The following CRMP1 variants were observed in gnomAD, a reference collection of about 807,000 sequenced individuals.
The protein encoded by CRMP1 is collapsin response mediator protein 1.
Under a neutral mutation model 68.3 loss-of-function variants are expected in CRMP1, and 19 were observed. The observed-to-expected ratio is 0.28, with a 90% CI of 0.19 to 0.41. The LOEUF is 0.41. CRMP1 is among the 10% of genes least tolerant of loss of function. The pLI, the probability that CRMP1 is intolerant of heterozygous loss-of-function variation, is 1.00. For missense variants in CRMP1, 791 were observed against 967.4 expected, an observed-to-expected ratio of 0.82 and a Z score of 2.42; for synonymous variants, 439 against 399.6, an observed-to-expected ratio of 1.10 and a Z score of -1.18.
Position 5,860,915 on chromosome 4 carries a change from C to T in CRMP1, c.655+111G>A. The T allele has an allele frequency of 1.8e-6, 2 of 1,128,186 alleles. No individual in the cohort carries two copies. 69.9% of individuals were successfully genotyped at this position (1,128,186 alleles called of 1,614,324 possible). On this transcript the variant is annotated intron_variant, in intron 3 of 13. Transcript: ENST00000324989. This position sits in a 1 kb window ranked among gnomAD's most constrained non-coding sequence, Gnocchi z 4.2. Reference sequence around the variant, plus strand: ...CATAGGGCTGGGGGGAGAATGAAATCCAATGGCACCCTGGGCAGAGAGCCT... The same window carrying T: ...CATAGGGCTGGGGGGAGAATGAAATTCAATGGCACCCTGGGCAGAGAGCCT...
rs546322634 is a variant in CRMP1 at position 5,892,287 on chromosome 4, G to A, written c.381+302C>T. Among the ~76,000 whole-genome samples, 1 of 152,334 alleles carries A rather than the reference G, an allele frequency of 6.6e-6. No individual in the cohort carries two copies. Among genetic ancestry groups the A allele is most frequent in the East Asian group, 1.9e-4 (1 of 5,168 alleles). On this transcript the variant is annotated intron_variant, in intron 1 of 13. Coordinates refer to ENST00000324989, the MANE Select transcript of CRMP1 (RefSeq NM_001014809.3). The surrounding 1 kb of genome is among the most constrained non-coding windows in gnomAD (Gnocchi z 8.6). Reference sequence around the variant, plus strand: ...TTCCTTCGCGTTTAAGCGTCCATGCGGTAGCTTTAGCCAACTTCCCCTCTC... The same window carrying A: ...TTCCTTCGCGTTTAAGCGTCCATGCAGTAGCTTTAGCCAACTTCCCCTCTC...
rs141887967 is a variant in CRMP1, at chr4:5,827,733, G to GCACACACACACACACACA, written c.1803+738_1803+755dup. 4.5e-3 allele frequency among the ~76,000 whole-genome samples: 628 copies of GCACACACACACACACACA among 138,320 alleles called. 1 individual carries two copies. Among genetic ancestry groups the GCACACACACACACACACA allele is most frequent in the African/African-American group, 0.017 (592 of 34,950 alleles). 90.7% of individuals were successfully genotyped at this position (138,320 alleles called of 152,430 possible). Reference sequence around the variant, plus strand: ...CATAGACATACACACATGTGCGCGTGCACACACACACACACACACACGAAG... The same window carrying GCACACACACACACACACA: ...CATAGACATACACACATGTGCGCGTGCACACACACACACACACACACACACACACACACACACACGAAG... On this transcript the variant is annotated intron_variant, in intron 12 of 13. Coordinates refer to ENST00000324989, the MANE Select transcript of CRMP1 (RefSeq NM_001014809.3).
rs1245453658 is a variant in CRMP1, at chr4:5,825,603, T to C, written c.1860A>G (p.Val620=). Reference sequence around the variant, plus strand: ...GAGTTGCATATTTGGGTGTAGCTGGTACCTCGTACACAGGACCGTCATACA... The same window carrying C: ...GAGTTGCATATTTGGGTGTAGCTGGCACCTCGTACACAGGACCGTCATACA... The part of the protein sequence containing the change: ...RGMYDGPVYE[V]PATPKYATPA... Residue 620 remains valine, a synonymous_variant, in exon 13 of 14, where the codon GTA becomes GTG. Coordinates refer to ENST00000324989, the MANE Select transcript of CRMP1 (RefSeq NM_001014809.3). This position sits in a 1 kb window ranked among gnomAD's most constrained non-coding sequence, Gnocchi z 4.4. 1 of 1,603,198 alleles carries C rather than the reference T, an allele frequency of 6.2e-7. No individual in the cohort carries two copies. Among genetic ancestry groups the C allele is most frequent in the African/African-American group, 1.3e-5 (1 of 74,320 alleles).
intron 1 of CRMP1, among the ~76,000 whole-genome samples, chr4:5,873,788 C>T (rs549275249): frequency 7.2e-5 from 11 of 152,240 alleles, no homozygotes; most frequent in African/African-American, 2.6e-4. Context: ...GCCTGGGGAT[C>T]TGTAAGTGGT....
rs1711730663 is a variant in CRMP1, at chr4:5,841,576, G to A, written c.1033-148C>T. 8.0e-7 allele frequency: 1 copy of A among 1,255,364 alleles called. No individual in the cohort carries two copies. The highest frequency in any genetic ancestry group is 2.2e-5 in the Admixed American group (1 of 46,188). 77.8% of individuals were successfully genotyped at this position (1,255,364 alleles called of 1,614,324 possible). A position where few individuals can be genotyped will look rare whatever the true frequency, so the allele number is the denominator to read the frequency against. On this transcript the variant is annotated intron_variant, in intron 7 of 13. Transcript: ENST00000324989. This position sits in a 1 kb window ranked among gnomAD's most constrained non-coding sequence, Gnocchi z 6.9. ...ACTGAGTCCAACAGCGCTTGACAGT[G>A]CCCCCTGCTCTCCGGGGTGGAGCAT... is the stretch of plus-strand genomic sequence containing the variant.
chr4:5,847,540 C>T (rs1712313305), intron 6 of CRMP1, among the ~76,000 whole-genome samples: 2 of 152,152 alleles, frequency 1.3e-5, no homozygotes, highest in South Asian at 4.1e-4. Flanking sequence ...GAACAGAATA[C>T]TCTTGCATGA....
chr4:5,838,814 T>C lies in CRMP1; in HGVS notation c.1310+708A>G, dbSNP rs1274095266. Among the ~76,000 whole-genome samples, 1 of 151,980 alleles carries C rather than the reference T, an allele frequency of 6.6e-6. No homozygotes were observed. The highest frequency in any genetic ancestry group is 1.5e-5 in the Non-Finnish European group (1 of 67,992). ...AGAAGCCCCATCTTATCCTCCCCTA[T>C]TGGGCAAACTCCTACTCATCCCCAA... On this transcript the variant is annotated intron_variant, in intron 9 of 13. Coordinates refer to ENST00000324989, the MANE Select transcript of CRMP1 (RefSeq NM_001014809.3). This position sits in a 1 kb window ranked among gnomAD's most constrained non-coding sequence, Gnocchi z 4.9.
In CRMP1 at chr4:5,843,686, G is replaced by A. The variant is rs965504833; in HGVS notation, c.964-525C>T. 1.3e-4 allele frequency among the ~76,000 whole-genome samples: 20 copies of A among 152,258 alleles called. No individual in the cohort carries two copies. Among genetic ancestry groups the A allele is most frequent in the African/African-American group, 4.8e-4 (20 of 41,560 alleles). On this transcript the variant is annotated intron_variant, in intron 6 of 13. Coordinates refer to ENST00000324989, the MANE Select transcript of CRMP1 (RefSeq NM_001014809.3). This position sits in a 1 kb window ranked among gnomAD's most constrained non-coding sequence, Gnocchi z 4.1. ...TCCTCTTCTGTACACTGGGGATAAC[G>A]GTGCTTGTACTGCAGAGTTACTACG...
rs1055248587 is a variant in CRMP1 at position 5,866,475 on chromosome 4, G to A, written c.470+193C>T. 1.3e-5 allele frequency among the ~76,000 whole-genome samples: 2 copies of A among 152,324 alleles called. No individual in the cohort carries two copies. ...CGTGTGGCAGGGAGCCTAGCCCGGG[G>A]GGGCACCCAAGAAATGCCAGCCCCT... On this transcript the variant is annotated intron_variant, in intron 2 of 13. Coordinates refer to ENST00000324989, the MANE Select transcript of CRMP1 (RefSeq NM_001014809.3). The surrounding 1 kb of genome is among the most constrained non-coding windows in gnomAD (Gnocchi z 5.9).
At chr4:5,831,830 A>G (rs1315916378) in intron 11 of CRMP1, among the ~76,000 whole-genome samples, 1 of 152,156 alleles carries the variant, frequency 6.6e-6, no homozygotes, top group East Asian at 1.9e-4. Context: ...TTTAAACAAC[A>G]CAAAACACCA....
In CRMP1 at chr4:5,889,370, C is replaced by T. The variant is rs1218417621; in HGVS notation, c.381+3219G>A. 6.6e-6 allele frequency among the ~76,000 whole-genome samples: 1 copy of T among 152,180 alleles called. No individual in the cohort carries two copies. Among genetic ancestry groups the T allele is most frequent in the East Asian group, 1.9e-4 (1 of 5,180 alleles). On this transcript the variant is annotated intron_variant, in intron 1 of 13. Coordinates refer to ENST00000324989, the MANE Select transcript of CRMP1 (RefSeq NM_001014809.3). This position sits in a 1 kb window ranked among gnomAD's most constrained non-coding sequence, Gnocchi z 4.5. ...GCCACTGGCACCAAGGTCTCCACAG[C>T]CCTGGGGACAAGCTGGGGGTCAGGA...
At chr4:5,827,674 ACGTG>A (rs1396902062) in intron 12 of CRMP1, among the ~76,000 whole-genome samples, 2 of 151,658 alleles carry the variant, frequency 1.3e-5, no homozygotes, top group African/African-American at 2.4e-5. Flanking sequence ...ACACATACAC[ACGTG>A]CATGCATGTA....
At chr4:5,827,368 G>GT (rs1182592040) in intron 12 of CRMP1, among the ~76,000 whole-genome samples, 8 of 152,090 alleles carry the variant, frequency 5.3e-5, no homozygotes, top group Non-Finnish European at 8.8e-5. Flanking sequence ...CCCATCCCTT[G>GT]TTTCCCCATC....
At position 5,888,518 on chromosome 4, in the gene CRMP1, G is replaced by A; in HGVS notation, c.381+4071C>T. The A allele has an allele frequency of 1.7e-6, 2 of 1,187,484 alleles. No individual in the cohort carries two copies. The highest frequency in any genetic ancestry group is 3.6e-5 in the East Asian group (1 of 28,032). 73.6% of individuals were successfully genotyped at this position (1,187,484 alleles called of 1,614,324 possible). ...GGAGAAGGAGGAGGGAGAGGCGAGGGCGGGAGGAGGGGGCTGCAGACAGCT... is the reference window on the plus strand; with the variant it reads ...GGAGAAGGAGGAGGGAGAGGCGAGGACGGGAGGAGGGGGCTGCAGACAGCT... On this transcript the variant is annotated intron_variant, in intron 1 of 13. Coordinates refer to ENST00000324989, the MANE Select transcript of CRMP1 (RefSeq NM_001014809.3). The surrounding 1 kb of genome is among the most constrained non-coding windows in gnomAD (Gnocchi z 6.4).
In CRMP1 at chr4:5,841,213, G is replaced by C; in HGVS notation, c.1153+95C>G. ...CGCTCCACCCCTCCCTCCTCCGGCT[G>C]CCTGTCTGAGTTCGGGAGGGAGTGA... On this transcript the variant is annotated intron_variant, in intron 8 of 13. Coordinates refer to ENST00000324989, the MANE Select transcript of CRMP1 (RefSeq NM_001014809.3). This position sits in a 1 kb window ranked among gnomAD's most constrained non-coding sequence, Gnocchi z 6.9. The C allele has an allele frequency of 1.3e-6, 2 of 1,591,462 alleles. No homozygotes were observed. The highest frequency in any genetic ancestry group is 8.6e-7 in the Non-Finnish European group (1 of 1,161,718).
At position 5,828,719 on chromosome 4, in the gene CRMP1, G is replaced by A. The variant is rs374780382; in HGVS notation, c.1624-51C>T. On this transcript the variant is annotated intron_variant, in intron 11 of 13. Transcript: ENST00000324989. ...TCCCAGGATTTGCTCTGCCCCAAAC[G>A]AGCTGTTCATAACAGCGATTTTGCC... 213 of 1,595,122 alleles carry A rather than the reference G, an allele frequency of 1.3e-4. 1 individual carries two copies. The African/African-American group carries it at 2.3e-3, about 17-fold the overall frequency.
chr4:5,821,833 T>C lies in CRMP1; in HGVS notation c.1988A>G (p.Asn663Ser). 1.3e-6 allele frequency: 2 copies of C among 1,594,178 alleles called. No individual in the cohort carries two copies. The highest frequency in any genetic ancestry group is 1.7e-6 in the Non-Finnish European group (2 of 1,172,560). Residue 663 changes from asparagine to serine, a missense_variant, in exon 14 of 14, where the codon AAC becomes AGC. This residue lies in a region of CRMP1 where 594 missense variants were observed against 763.6 expected (regional missense o/e 0.78). Coordinates refer to ENST00000324989, the MANE Select transcript of CRMP1 (RefSeq NM_001014809.3). This position sits in a 1 kb window ranked among gnomAD's most constrained non-coding sequence, Gnocchi z 4.4. ...FSLSGAQIDD[N>S]NPRRTGHRIV... ...GCGGTGGCCGGTGCGCCTGGGATTG[T>C]TGTCATCTATCTGGGCACCTGAAAG...
Position 5,821,828 on chromosome 4 carries a change from G to A in CRMP1, c.1993C>T (p.Pro665Ser). The A allele has an allele frequency of 6.3e-7, 1 of 1,599,886 alleles. No individual in the cohort carries two copies. The highest frequency in any genetic ancestry group is 8.5e-7 in the Non-Finnish European group (1 of 1,174,642). ...ACGATGCGGTGGCCGGTGCGCCTGG[G>A]ATTGTTGTCATCTATCTGGGCACCT... ...LSGAQIDDNN[P>S]RRTGHRIVAP... Residue 665 changes from proline to serine, a missense_variant, in exon 14 of 14, where the codon CCC (proline) becomes TCC (serine). Transcript: ENST00000324989. The surrounding 1 kb of genome is among the most constrained non-coding windows in gnomAD (Gnocchi z 4.4).
At chr4:5,844,434 G>A (rs928561110) in intron 6 of CRMP1, among the ~76,000 whole-genome samples, 1 of 152,112 alleles carries the variant, frequency 6.6e-6, no homozygotes, top group African/African-American at 2.4e-5. Context: ...AGGCGAGGAA[G>A]GGAGGATGAA....
Sources: allele counts gnomAD v4.1 joint callset (sites outside exome capture counted in the v4.1 genomes callset), GRCh38; gene constraint gnomAD v4.1.1; regional missense constraint gnomAD v4.1.1; non-coding constraint Gnocchi (gnomAD v3.1); transcripts MANE v1.5; gene names NCBI Gene and HGNC (gene_info 2026-07-23, HGNC 2026-07-21).